Variants in ERG observed in about 807,000 individuals in gnomAD.
ERG encodes the protein transcriptional regulator ERG.
In ERG, 9 loss-of-function variants were observed where a neutral mutation model predicts 55.3. The ratio of observed to expected loss-of-function variants is 0.16; its 90% confidence interval spans 0.10 to 0.28. The LOEUF (loss-of-function observed/expected upper bound fraction) is 0.28, where lower values mean the gene tolerates loss of function less well. Ranked by LOEUF, ERG falls within the 10% of genes least tolerant of loss-of-function variation. The probability of loss-of-function intolerance (pLI) is 1.00; values close to 1 mark genes in which losing one functional copy is unlikely to be tolerated. For synonymous variants in ERG, 223 were observed against 237.3 expected (o/e 0.94, Z 0.55); for missense variants, 434 against 631.6 (o/e 0.69, Z 3.35).
intron 1 of ERG, among the ~76,000 whole-genome samples, chr21:38,595,816 C>A (rs1264301556): frequency 5.3e-5 from 8 of 152,208 alleles, no homozygotes; most frequent in Admixed American, 5.2e-4. Context: ...GCTTCCCACA[C>A]ACCTGCCTGG....
chr21:38,402,546 G>A lies in ERG; in HGVS notation c.673+11C>T. On this transcript the variant is annotated intron_variant, in intron 5 of 9. Coordinates refer to ENST00000288319, the MANE Select transcript of ERG (RefSeq NM_182918.4). Reference sequence around the variant, plus strand: ...GCTCTTGCTGGGAGGCAGGGGCGGGGCCAGCATTACCTGTGTTTCTAGCAT... The same window carrying A: ...GCTCTTGCTGGGAGGCAGGGGCGGGACCAGCATTACCTGTGTTTCTAGCAT... 6.2e-7 allele frequency: 1 copy of A among 1,606,208 alleles called. No individual in the cohort carries two copies. Among genetic ancestry groups the A allele is most frequent in the Non-Finnish European group, 8.5e-7 (1 of 1,174,922 alleles).
At chr21:38,507,783 G>C (rs999590342) in intron 2 of ERG, among the ~76,000 whole-genome samples, 1 of 152,164 alleles carries the variant, frequency 6.6e-6, no homozygotes, top group African/African-American at 2.4e-5. Flanking sequence ...AATGTGGCCA[G>C]GCCCAGCTGT....
chr21:38,436,780 C>CCT (rs1173804982), intron 2 of ERG, among the ~76,000 whole-genome samples: 3 of 152,148 alleles, frequency 2.0e-5, no homozygotes, highest in African/African-American at 7.2e-5. Flanking sequence ...ACCCTCATAT[C>CCT]TGTTATTGCT....
At chr21:38,433,818 C>T (rs188215470) in intron 2 of ERG, among the ~76,000 whole-genome samples, 12 of 152,270 alleles carry the variant, frequency 7.9e-5, no homozygotes, top group East Asian at 3.9e-4. Context: ...AATGTAATTG[C>T]GGAAATCAAT....
intron 1 of ERG, among the ~76,000 whole-genome samples, chr21:38,610,526 CGT>C (rs148197703): frequency 0.39 from 58,620 of 150,232 alleles, 11,477 homozygotes; most frequent in Non-Finnish European, 0.44. Flanking sequence ...CGCGCACGCG[CGT>C]GTGTGTGTGT....
At chr21:38,398,788 A>T (rs1988350660) in intron 6 of ERG, among the ~76,000 whole-genome samples, 1 of 152,200 alleles carries the variant, frequency 6.6e-6, no homozygotes, top group South Asian at 2.1e-4. Flanking sequence ...TGACAGAGAG[A>T]TTGTGCCAAT....
intron 9 of ERG, among the ~76,000 whole-genome samples, chr21:38,390,674 T>C (rs929702945): frequency 1.3e-5 from 2 of 152,166 alleles, no homozygotes; most frequent in Admixed American, 6.5e-5. Flanking sequence ...CCTGCCACCA[T>C]GACACTCTGA....
intron 2 of ERG, among the ~76,000 whole-genome samples, chr21:38,569,951 T>C (rs2059947316): frequency 6.6e-6 from 1 of 152,202 alleles, no homozygotes; most frequent in Admixed American, 6.5e-5. Flanking sequence ...TGTATAGTAC[T>C]CCATTGGTGG....
At chr21:38,397,910 A>C (rs1988306521) in intron 6 of ERG, among the ~76,000 whole-genome samples, 1 of 152,126 alleles carries the variant, frequency 6.6e-6, no homozygotes, top group African/African-American at 2.4e-5. Flanking sequence ...GTTACCTAGG[A>C]GCCTGGCTTG....
chr21:38,652,341 T>A (rs546606946), intron 1 of ERG, among the ~76,000 whole-genome samples: 1 of 152,214 alleles, frequency 6.6e-6, no homozygotes, highest in Non-Finnish European at 1.5e-5. Flanking sequence ...TCCTATGGAA[T>A]GGTGTAGATT....
intron 1 of ERG, among the ~76,000 whole-genome samples, chr21:38,625,273 T>C (rs977397259): frequency 5.3e-5 from 8 of 152,172 alleles, no homozygotes; most frequent in Non-Finnish European, 2.9e-5. Flanking sequence ...ATACAAAATT[T>C]TAAAAATATA....
intron 2 of ERG, among the ~76,000 whole-genome samples, chr21:38,568,958 A>G (rs554763396): frequency 6.6e-6 from 1 of 152,262 alleles, no homozygotes; most frequent in African/African-American, 2.4e-5. Context: ...CTGAACATAG[A>G]TGCTGTCGGC....
At position 38,543,383 on chromosome 21, in the gene ERG, C is replaced by T. The variant is rs549903233; in HGVS notation, c.-41+32279G>A. The stretch of plus-strand genomic sequence containing the variant: ...TTTTTTTAAAAAAAAAGCAATTCCA[C>T]TGTAATTTTAGCAGAGGTTATTTCC... On this transcript the variant is annotated intron_variant, in intron 2 of 8. Coordinates refer to the ERG transcript ENST00000398897. Among the ~76,000 whole-genome samples the T allele has an allele frequency of 2.0e-5, 3 of 150,622 alleles. No homozygotes were observed. The South Asian group carries it at 6.3e-4, about 32-fold the overall frequency.
At chr21:38,649,633 A>G (rs1395133899) in intron 1 of ERG, among the ~76,000 whole-genome samples, 2 of 152,202 alleles carry the variant, frequency 1.3e-5, no homozygotes. Context: ...TTAAATTTGT[A>G]CTCTGATACG....
intron 1 of ERG, among the ~76,000 whole-genome samples, chr21:38,488,831 AC>A (rs1457911516): frequency 2.0e-5 from 3 of 152,254 alleles, no homozygotes; most frequent in African/African-American, 7.2e-5. Flanking sequence ...TTACTCATAG[AC>A]AAGTCTATTC....
At chr21:38,650,839 G>A (rs892710049) in intron 1 of ERG, among the ~76,000 whole-genome samples, 19 of 152,190 alleles carry the variant, frequency 1.2e-4, no homozygotes, top group African/African-American at 4.3e-4. Context: ...AACCTGTCAT[G>A]ATCAAATAGT....
chr21:38,382,406 G>A lies in ERG; in HGVS notation c.*997C>T. The A allele has an allele frequency of 1.9e-6, 2 of 1,060,842 alleles. No individual in the cohort carries two copies. Among genetic ancestry groups the A allele is most frequent in the Non-Finnish European group, 2.3e-6 (2 of 876,130 alleles). 65.7% of individuals were successfully genotyped at this position (1,060,842 alleles called of 1,614,324 possible). On this transcript the variant is annotated 3_prime_UTR_variant, in exon 10 of 10. Transcript: ENST00000288319. ...GAGAACAAAGCCCCCACATAATGAT[G>A]AGGTCCTGAATGTTTCTCTTAAATA...
chr21:38,636,373 G>A (rs1040955021), intron 1 of ERG, among the ~76,000 whole-genome samples: 3 of 152,216 alleles, frequency 2.0e-5, no homozygotes, highest in African/African-American at 7.2e-5. Context: ...CAGGAGAAGA[G>A]AAGCTAGGAG....
chr21:38,580,848 G>A (rs960915142), intron 1 of ERG, among the ~76,000 whole-genome samples: 3 of 152,156 alleles, frequency 2.0e-5, no homozygotes, highest in Non-Finnish European at 4.4e-5. Flanking sequence ...TTAAGAGAAG[G>A]CCTAAATATT....
Sources: gnomAD v4.1 joint callset for allele counts (sites outside exome capture counted in the v4.1 genomes callset) on GRCh38, gnomAD v4.1.1 for gene constraint, MANE v1.5 for transcripts, NCBI Gene and HGNC (gene_info 2026-07-23, HGNC 2026-07-21) for gene names.